DENND1A: variants seen among roughly 807,000 people sequenced by gnomAD.
DENND1A encodes DENN domain containing 1A.
In DENND1A, 51 loss-of-function variants were observed where a neutral mutation model predicts 113.7. The ratio of observed to expected loss-of-function variants is 0.45; its 90% CI spans 0.36 to 0.57. The LOEUF is 0.57. Ranked by LOEUF, DENND1A falls within the 20% of genes least tolerant of loss-of-function variation. The probability of loss-of-function intolerance (pLI) is 0.00; values close to 1 mark genes in which losing one functional copy is unlikely to be tolerated. For synonymous variants in DENND1A, 565 were observed against 570.8 expected, an observed-to-expected ratio of 0.99 and a Z score of 0.14; for missense variants, 1,258 against 1,395.9, an observed-to-expected ratio of 0.90 and a Z score of 1.57.
At chr9:123,496,234 G>T (rs1325250844) in intron 13 of DENND1A, among the ~76,000 whole-genome samples, 1 of 152,168 alleles carries the variant, frequency 6.6e-6, no homozygotes, top group Admixed American at 6.5e-5. Flanking sequence ...AAAATCAATT[G>T]TTCAAAGGTG....
intron 13 of DENND1A, among the ~76,000 whole-genome samples, chr9:123,515,780 T>C (rs926032104): frequency 1.1e-4 from 16 of 152,058 alleles, no homozygotes; most frequent in Non-Finnish European, 2.2e-4. Context: ...CTCACACCTA[T>C]AGTAACAGCA....
chr9:123,464,994 CAAAAAAA>C (rs10655282), intron 13 of DENND1A, among the ~76,000 whole-genome samples: 18 of 70,560 alleles, frequency 2.6e-4, no homozygotes, highest in South Asian at 1.2e-3. Context: ...ACTAAAAATA[CAAAAAAA>C]AAAAAAAAAA....
chr9:123,748,102 T>C (rs1395123351), intron 5 of DENND1A, among the ~76,000 whole-genome samples: 2 of 152,240 alleles, frequency 1.3e-5, no homozygotes, highest in Non-Finnish European at 2.9e-5. Flanking sequence ...AGAGCTTCTT[T>C]CCTTGTATTA....
intron 18 of DENND1A, among the ~76,000 whole-genome samples, chr9:123,440,733 A>T (rs73666955): frequency 0.02 from 3,099 of 152,290 alleles, 107 homozygotes; most frequent in African/African-American, 0.072. Context: ...TGGGGAAAAC[A>T]ATTATTATTG....
chr9:123,582,789 T>C (rs1168287307), intron 12 of DENND1A, among the ~76,000 whole-genome samples: 2 of 152,076 alleles, frequency 1.3e-5, no homozygotes, highest in Non-Finnish European at 2.9e-5. Context: ...AACCTCCACC[T>C]CCCGGGTTCA....
At chr9:123,720,332 C>T (rs2067250345) in intron 5 of DENND1A, among the ~76,000 whole-genome samples, 3 of 152,100 alleles carry the variant, frequency 2.0e-5, no homozygotes, top group African/African-American at 4.8e-5. Context: ...AGGGAAAATG[C>T]TCTTATTCTT....
intron 1 of DENND1A, among the ~76,000 whole-genome samples, chr9:123,911,826 G>A (rs1426242989): frequency 6.6e-6 from 1 of 152,010 alleles, no homozygotes; most frequent in Non-Finnish European, 1.5e-5. Flanking sequence ...AAGTTGCTGG[G>A]ACTACAGGTG....
rs747011867 is a variant in DENND1A at position 123,381,345 on chromosome 9, CAG to C, written c.*85_*86del. 17 of 1,342,904 alleles carry C rather than the reference CAG, an allele frequency of 1.3e-5. No homozygotes were observed. The highest frequency in any genetic ancestry group is 7.2e-5 in the African/African-American group (5 of 69,632). The allele number at this position is 1,342,904 out of a possible 1,614,324, so 83.2% of individuals were successfully genotyped here. A position where few individuals can be genotyped will look rare whatever the true frequency, so the allele number is the denominator to read the frequency against. ...TCCCTTCCCACCAGCAGAACCTGGGCAGAGAGAGAGTGGCGGGGGAGCCTCGG... is the reference window on the plus strand; with the variant it reads ...TCCCTTCCCACCAGCAGAACCTGGGCAGAGAGAGTGGCGGGGGAGCCTCGG... On this transcript the variant is annotated 3_prime_UTR_variant, in exon 24 of 24. Coordinates refer to ENST00000394215, the MANE Select transcript of DENND1A (RefSeq NM_001352964.2). The surrounding 1 kb of genome is among the most constrained non-coding windows in gnomAD (Gnocchi z 4.7).
intron 10 of DENND1A, among the ~76,000 whole-genome samples, 198 bp downstream of exon 10, chr9:123,630,178 C>T (rs976616295): frequency 1.4e-5 from 2 of 147,064 alleles, no homozygotes; most frequent in Admixed American, 1.3e-4. Flanking sequence ...GTAGCTGGGA[C>T]TACAGATATG....
At chr9:123,573,042 A>T (rs1405414301) in intron 12 of DENND1A, among the ~76,000 whole-genome samples, 1 of 152,158 alleles carries the variant, frequency 6.6e-6, no homozygotes, top group Admixed American at 6.5e-5. Flanking sequence ...TTGGAATAAA[A>T]GATCCCTCTT....
intron 9 of DENND1A, among the ~76,000 whole-genome samples, chr9:123,642,612 T>C (rs2062087057): frequency 6.6e-6 from 1 of 152,254 alleles, no homozygotes; most frequent in Admixed American, 6.5e-5. Flanking sequence ...AATTTAGTCT[T>C]AGAATTCTCT....
chr9:123,918,375 C>T (rs1284362818), intron 1 of DENND1A, among the ~76,000 whole-genome samples: 1 of 151,736 alleles, frequency 6.6e-6, no homozygotes, highest in Non-Finnish European at 1.5e-5. Flanking sequence ...GTACTCCCAG[C>T]TACTCGGGAG....
chr9:123,639,606 C>T (rs1012751569), intron 9 of DENND1A, among the ~76,000 whole-genome samples: 7 of 151,562 alleles, frequency 4.6e-5, no homozygotes, highest in Non-Finnish European at 8.8e-5. Flanking sequence ...GGAAAAACCC[C>T]GTCTCTACTA....
At chr9:123,845,050 C>T (rs1842384973) in intron 2 of DENND1A, among the ~76,000 whole-genome samples, 1 of 152,038 alleles carries the variant, frequency 6.6e-6, no homozygotes, top group Admixed American at 6.6e-5. Flanking sequence ...GAAACACCAT[C>T]TCTACCAAAA....
intron 19 of DENND1A, among the ~76,000 whole-genome samples, chr9:123,435,739 A>G (rs372493347): frequency 6.6e-6 from 1 of 152,190 alleles, no homozygotes; most frequent in African/African-American, 2.4e-5. Context: ...AACTCACACA[A>G]TCAGGCCATT....
At chr9:123,905,034 G>A (rs1852502432) in intron 1 of DENND1A, among the ~76,000 whole-genome samples, 1 of 152,148 alleles carries the variant, frequency 6.6e-6, no homozygotes, top group South Asian at 2.1e-4. Flanking sequence ...CAAGCCAGAA[G>A]AGAGTGGGGA....
At chr9:123,785,186 T>G (rs941036914) in intron 3 of DENND1A, among the ~76,000 whole-genome samples, 2 of 151,028 alleles carry the variant, frequency 1.3e-5, no homozygotes, top group Non-Finnish European at 3.0e-5. Context: ...AAAAAAAGAT[T>G]TTTTTTTTAA....
At chr9:123,791,998 G>C (rs1833053418) in intron 3 of DENND1A, among the ~76,000 whole-genome samples, 1 of 152,120 alleles carries the variant, frequency 6.6e-6, no homozygotes, top group South Asian at 2.1e-4. Flanking sequence ...GCACTATCTT[G>C]TGAGTAAAAT....
intron 10 of DENND1A, among the ~76,000 whole-genome samples, chr9:123,620,232 A>AAAAAAAAAAAAAAAAAAAAAAAAAG (rs1554916729): frequency 1.0e-4 from 12 of 114,410 alleles, no homozygotes; most frequent in African/African-American, 2.2e-4. Context: ...AAAAAAAAAA[A>AAAAAAAAAAAAAAAAAAAAAAAAAG]AAAAAAGAAA....
Sources: gnomAD v4.1 joint callset for allele counts (sites outside exome capture counted in the v4.1 genomes callset) on GRCh38, gnomAD v4.1.1 for gene constraint, Gnocchi (gnomAD v3.1) non-coding constraint, MANE v1.5 for transcripts, NCBI Gene and HGNC (gene_info 2026-07-23, HGNC 2026-07-21) for gene names.